Variants in CPT2 observed in about 807,000 individuals in gnomAD.
CPT2 encodes carnitine O-palmitoyltransferase 2, mitochondrial.
A neutral mutation model predicts 48.6 loss-of-function variants in CPT2; 37 were observed. That is an observed-to-expected ratio of 0.76 (90% confidence interval 0.59 to 1.00). The LOEUF (loss-of-function observed/expected upper bound fraction) is 1.00, where lower values mean the gene tolerates loss of function less well. CPT2 is among the 50% of genes least tolerant of loss of function. CPT2 has a pLI of 0.00. For missense variants in CPT2, 772 were observed against 825.6 expected (o/e 0.94, Z 0.80); for synonymous variants, 319 against 326.9 (o/e 0.98, Z 0.26).
chr1:53,198,601 A>G (rs1572379134), intron 1 of CPT2, among the ~76,000 whole-genome samples: 1 of 152,198 alleles, frequency 6.6e-6, no homozygotes, highest in African/African-American at 2.4e-5. Context: ...TCACTTGCCA[A>G]GTTCAGAGTC....
rs1293579592 is a variant in CPT2, at chr1:53,211,231, G to A, written c.1557G>A (p.Glu519=). 2.5e-6 allele frequency: 4 copies of A among 1,610,434 alleles called. No individual in the cohort carries two copies. The East Asian group carries it at 6.7e-5, about 27-fold the overall frequency. The change falls in exon 4 of 5, where the codon GAG becomes GAA. Residue 519 remains glutamate, a synonymous_variant. Transcript: ENST00000371486. ...TKRCSEAFVR[E]PSRHSAGELQ... ...GGTGCTCTGAGGCCTTTGTCAGGGA[G>A]CCCTCCAGGCACAGTGCTGGTGAGC...
chr1:53,197,193 C>T (rs1645329270), intron 1 of CPT2, 98 bp downstream of exon 1: 5 of 1,431,396 alleles, frequency 3.5e-6, no homozygotes, highest in Non-Finnish European at 3.8e-6. Flanking sequence ...AACCCGTTTC[C>T]GCCCCCAAGC....
At chr1:53,200,872 G>A (rs1460912270) in intron 2 of CPT2, 73 bp downstream of exon 2, 1 of 1,188,980 alleles carries the variant, frequency 8.4e-7, no homozygotes, top group East Asian at 2.3e-5. Flanking sequence ...GGTGGACCAA[G>A]CTTCAGGGAA....
At chr1:53,208,163 A>G (rs1645399756) in intron 3 of CPT2, 1 of 152,140 alleles carries the variant, frequency 6.6e-6, no homozygotes, top group South Asian at 2.1e-4. Flanking sequence ...TCACCATTTT[A>G]GTGCATTGCG....
Position 53,213,480 on chromosome 1 carries a change from T to C in CPT2, c.1862T>C (p.Ile621Thr), listed in dbSNP as rs1645444056. 1 of 1,614,254 alleles carries C rather than the reference T, an allele frequency of 6.2e-7. No individual in the cohort carries two copies. Among genetic ancestry groups the C allele is most frequent in the Non-Finnish European group, 8.5e-7 (1 of 1,180,038 alleles). Residue 621 changes from isoleucine to threonine, a missense_variant, in exon 5 of 5, where the codon ATA becomes ACA. Coordinates refer to ENST00000371486, the MANE Select transcript of CPT2 (RefSeq NM_000098.3). ...GVGYAVHDNW[I>T]GCNVSSYPGR... Reference sequence around the variant, plus strand: ...GGGTATGCTGTTCATGACAACTGGATAGGCTGCAATGTCTCTTCCTACCCA... The same window carrying C: ...GGGTATGCTGTTCATGACAACTGGACAGGCTGCAATGTCTCTTCCTACCCA...
chr1:53,201,490 C>T (rs1645354364), intron 2 of CPT2: 1 of 153,546 alleles, frequency 6.5e-6, no homozygotes, highest in African/African-American at 2.4e-5. Context: ...TATAGTCCTA[C>T]TGACACCTGG....
At chr1:53,207,082 A>G (rs1308656380) in intron 3 of CPT2, among the ~76,000 whole-genome samples, 2 of 152,148 alleles carry the variant, frequency 1.3e-5, no homozygotes, top group African/African-American at 2.4e-5. Flanking sequence ...ATGGTTTAAA[A>G]GTGTTTGGCA....
Position 53,197,001 on chromosome 1 carries a change from G to GC in CPT2, c.63dup (p.Ser22GlnfsTer37). 4.6e-6 allele frequency: 7 copies of GC among 1,532,384 alleles called. No homozygotes were observed. Among genetic ancestry groups the GC allele is most frequent in the South Asian group, 1.2e-5 (1 of 83,662 alleles). 94.9% of individuals were successfully genotyped at this position (1,532,384 alleles called of 1,614,324 possible). A position where few individuals can be genotyped will look rare whatever the true frequency, so the allele number is the denominator to read the frequency against. On this transcript the variant is annotated frameshift_variant, in exon 1 of 5. Transcript: ENST00000371486. LOFTEE classifies it high-confidence loss of function. ...CCGGGGCCCCGCGGTTGGTCCGGGA[G>GC]CCCCCAGTCGGCCCCTCAGCGCCGG... is the stretch of plus-strand genomic sequence containing the variant.
chr1:53,209,527 CATT>C (rs1482222804), intron 3 of CPT2: 2 of 189,814 alleles, frequency 1.1e-5, no homozygotes, highest in Non-Finnish European at 2.2e-5. Flanking sequence ...ACCTTAAAAA[CATT>C]ATTAGGAGGC....
At chr1:53,209,990 T>C in intron 3 of CPT2, 25 bp from the exon 4 acceptor site, 1 of 1,590,102 alleles carries the variant, frequency 6.3e-7, no homozygotes, top group African/African-American at 1.3e-5. Context: ...ACATTTTATG[T>C]TATTTTTTTC....
At position 53,210,651 on chromosome 1, in the gene CPT2, G is replaced by A. The variant is rs767601469; in HGVS notation, c.977G>A (p.Cys326Tyr). The A allele has an allele frequency of 1.2e-6, 2 of 1,614,158 alleles. No individual in the cohort carries two copies. Among genetic ancestry groups the A allele is most frequent in the Non-Finnish European group, 8.5e-7 (1 of 1,180,042 alleles). Residue 326 changes from cysteine to tyrosine, a missense_variant, in exon 4 of 5, where the codon TGC becomes TAC. Transcript: ENST00000371486. Reference sequence around the variant, plus strand: ...GTGGACTCGGCAGTGTTCTGTCTCTGCCTAGATGACTTCCCCATTAAGGAC... The same window carrying A: ...GTGGACTCGGCAGTGTTCTGTCTCTACCTAGATGACTTCCCCATTAAGGAC... ...RKVDSAVFCLCLDDFPIKDLV... is the reference protein window; with the variant it reads ...RKVDSAVFCLYLDDFPIKDLV...
rs368311455 is a variant in CPT2, at chr1:53,211,185, C to T, written c.1511C>T (p.Pro504Leu). ...CACGGCCGCACTGAGACCATCCGCC[C>T]GGCCTCCGTCTATACAAAGAGGTGC... ...FKHGRTETIR[P>L]ASVYTKRCSE... Residue 504 changes from proline to leucine, a missense_variant, in exon 4 of 5, where the codon CCG becomes CTG. Physicochemically the swap from Pro to Leu is moderately conservative, Grantham distance 98 (BLOSUM62 -3). Transcript: ENST00000371486. 43 of 1,607,936 alleles carry T rather than the reference C, an allele frequency of 2.7e-5. No homozygotes were observed. Among genetic ancestry groups the T allele is most frequent in the South Asian group, 3.3e-5 (3 of 90,474 alleles).
rs1163652778 is a variant in CPT2 at position 53,213,414 on chromosome 1, T to C, written c.1796T>C (p.Leu599Pro). The C allele has an allele frequency of 2.5e-6, 4 of 1,614,146 alleles. No individual in the cohort carries two copies. Among genetic ancestry groups the C allele is most frequent in the Non-Finnish European group, 3.4e-6 (4 of 1,180,056 alleles). ...TSTLSSPAVN[L>P]GGFAPVVSDG... ...ACACTGAGCAGCCCAGCAGTGAACCTTGGGGGCTTTGCCCCTGTGGTCTCT... is the reference window on the plus strand; with the variant it reads ...ACACTGAGCAGCCCAGCAGTGAACCCTGGGGGCTTTGCCCCTGTGGTCTCT... Residue 599 changes from leucine (L) to proline (P), a missense_variant, in exon 5 of 5, where the codon CTT (leucine) becomes CCT (proline). Transcript: ENST00000371486.
chr1:53,203,504 GCTTA>G (rs1645366771), intron 3 of CPT2: 2 of 152,088 alleles, frequency 1.3e-5, no homozygotes, highest in South Asian at 4.1e-4. Flanking sequence ...TTTTCTATGT[GCTTA>G]CTAATTTACC....
intron 4 of CPT2, among the ~76,000 whole-genome samples, chr1:53,212,485 C>T (rs1645435732): frequency 6.6e-6 from 1 of 152,210 alleles, no homozygotes; most frequent in Admixed American, 6.5e-5. Context: ...TAGGCATGCA[C>T]CACTGCACCC....
chr1:53,202,250 G>C, intron 2 of CPT2, 73 bp from the exon 3 acceptor site: 1 of 1,232,986 alleles, frequency 8.1e-7, no homozygotes, highest in Non-Finnish European at 1.2e-6. Flanking sequence ...TCTATTATGA[G>C]TTCCTCGCCA....
chr1:53,212,056 C>A (rs1645432326), intron 4 of CPT2, among the ~76,000 whole-genome samples: 1 of 133,332 alleles, frequency 7.5e-6, no homozygotes, highest in East Asian at 2.3e-4. Flanking sequence ...CCATGCCCAG[C>A]TGATATTTTA....
In CPT2 at chr1:53,213,622, C is replaced by G. The variant is rs961624939; in HGVS notation, c.*27C>G. On this transcript the variant is annotated 3_prime_UTR_variant, in exon 5 of 5. Coordinates refer to ENST00000371486, the MANE Select transcript of CPT2 (RefSeq NM_000098.3). Reference sequence around the variant, plus strand: ...TTCTGGGCAGATGAAAAGCTACCATCACTTCCTCATCATGAAAACTGGGAG... The same window carrying G: ...TTCTGGGCAGATGAAAAGCTACCATGACTTCCTCATCATGAAAACTGGGAG... The G allele has an allele frequency of 6.3e-7, 1 of 1,594,696 alleles. No homozygotes were observed. The highest frequency in any genetic ancestry group is 8.6e-7 in the Non-Finnish European group (1 of 1,166,804).
At chr1:53,200,494 T>C in intron 1 of CPT2, 1 of 472,784 alleles carries the variant, frequency 2.1e-6, no homozygotes, top group Non-Finnish European at 3.8e-6. Flanking sequence ...AAAATAATTA[T>C]ATTTGTATTT....
Sources: allele counts gnomAD v4.1 joint callset (sites outside exome capture counted in the v4.1 genomes callset), GRCh38; gene constraint gnomAD v4.1.1; transcripts MANE v1.5; gene names NCBI Gene and HGNC (gene_info 2026-07-23, HGNC 2026-07-21).